Variants in NAV3 observed in about 807,000 individuals in gnomAD.
NAV3 encodes the protein pore membrane and/or filament interacting like protein 1.
In NAV3, 87 loss-of-function variants were observed where a neutral mutation model predicts 244.7. The ratio of observed to expected loss-of-function variants is 0.36; its 90% confidence interval spans 0.30 to 0.42. The LOEUF (loss-of-function observed/expected upper bound fraction) is 0.42, where lower values mean the gene tolerates loss of function less well. NAV3 is among the 20% of genes least tolerant of loss of function. The pLI is 1.00. For synonymous variants in NAV3, 1,126 were observed against 1,042.2 expected (o/e 1.08, Z -1.55); for missense variants, 2,663 against 2,893.3 (o/e 0.92, Z 1.83).
intron 1 of NAV3, among the ~76,000 whole-genome samples, chr12:77,890,509 A>G (rs1207844779): frequency 6.6e-6 from 1 of 152,208 alleles, no homozygotes; most frequent in Non-Finnish European, 1.5e-5. Flanking sequence ...TGAAATAAAT[A>G]TGATAAATAC....
rs1042879447 is a variant in NAV3, at chr12:77,824,115, C to A, written c.73-116204C>A. Among the ~76,000 whole-genome samples, 3 of 152,002 alleles carry A rather than the reference C, an allele frequency of 2.0e-5. No individual in the cohort carries two copies. In the East Asian group the frequency reaches 5.8e-4, roughly 29 times the overall value. ...TTTTAGACAGAGTCTCACTCTGTCA[C>A]CAGGCTGGAGTATAGTGGCACAATC... On this transcript the variant is annotated intron_variant, in intron 2 of 8. Transcript: ENST00000550042.
At chr12:77,712,308 T>C (rs1351347541) in intron 2 of NAV3, among the ~76,000 whole-genome samples, 1 of 152,200 alleles carries the variant, frequency 6.6e-6, no homozygotes, top group African/African-American at 2.4e-5. Flanking sequence ...GATATCATTC[T>C]ATATTTATTG....
intron 8 of NAV3, among the ~76,000 whole-genome samples, chr12:78,011,506 A>G (rs1875271323): frequency 6.6e-6 from 1 of 152,188 alleles, no homozygotes. Flanking sequence ...TGCATCACCA[A>G]GAAGTTAAGA....
rs768757808 is a variant in NAV3, at chr12:78,007,219, C to T, written c.1681C>T (p.Pro561Ser). The T allele has an allele frequency of 6.2e-7, 1 of 1,614,196 alleles. No homozygotes were observed. The change falls in exon 8 of 40, where the codon CCT becomes TCT. Residue 561 changes from proline (P) to serine (S), a missense_variant. Coordinates refer to ENST00000397909, the MANE Select transcript of NAV3 (RefSeq NM_001024383.2). ...SEKFRTTKGSPSQSLSKPITM... is the reference protein window; with the variant it reads ...SEKFRTTKGSSSQSLSKPITM... ...GAAATTCAGGACTACCAAGGGGAGCCCTTCCCAGTCCTTATCTAAGCCTAT... is the reference window on the plus strand; with the variant it reads ...GAAATTCAGGACTACCAAGGGGAGCTCTTCCCAGTCCTTATCTAAGCCTAT...
chr12:77,950,445 C>T (rs1890763145), intron 3 of NAV3: 2 of 152,102 alleles, frequency 1.3e-5, no homozygotes, highest in Admixed American at 1.3e-4. Context: ...GCTTATATGT[C>T]TTCAGTATAT....
At chr12:77,729,503 A>AGTAAACACACATATATG in intron 2 of NAV3, among the ~76,000 whole-genome samples, 1 of 152,048 alleles carries the variant, frequency 6.6e-6, no homozygotes, top group African/African-American at 2.4e-5. Flanking sequence ...AAAAGGAGGA[A>AGTAAACACACATATATG]AAAAGTAAGG....
intron 5 of NAV3, among the ~76,000 whole-genome samples, chr12:77,983,084 A>G (rs775976146): frequency 6.6e-6 from 1 of 152,218 alleles, no homozygotes; most frequent in African/African-American, 2.4e-5. Context: ...AGAAATAGGC[A>G]GAGGTCAGTT....
chr12:77,677,852 T>G (rs1290540325), intron 2 of NAV3, among the ~76,000 whole-genome samples: 2 of 152,190 alleles, frequency 1.3e-5, no homozygotes, highest in Non-Finnish European at 2.9e-5. Flanking sequence ...CTACATAAAG[T>G]CATTTTTAAA....
intron 39 of NAV3, among the ~76,000 whole-genome samples, chr12:78,207,410 C>T (rs982459981): frequency 1.3e-5 from 2 of 152,132 alleles, no homozygotes; most frequent in African/African-American, 2.4e-5. Context: ...CAGGAGATAA[C>T]TACAGTATCA....
intron 5 of NAV3, among the ~76,000 whole-genome samples, chr12:77,980,479 A>G (rs369452697): frequency 5.0e-4 from 76 of 152,348 alleles, no homozygotes; most frequent in African/African-American, 1.5e-3. Flanking sequence ...AACATATTTT[A>G]TGATGACTAC....
At chr12:77,999,433 G>A (rs1244582288) in intron 7 of NAV3, among the ~76,000 whole-genome samples, 3 of 152,186 alleles carry the variant, frequency 2.0e-5, no homozygotes, top group African/African-American at 4.8e-5. Context: ...GAACGTTTTT[G>A]CTCAAAATAG....
chr12:77,757,445 A>G (rs563724760), intron 2 of NAV3, among the ~76,000 whole-genome samples: 1 of 152,302 alleles, frequency 6.6e-6, no homozygotes, highest in African/African-American at 2.4e-5. Context: ...TAATTCTACA[A>G]TATCACCTGT....
intron 2 of NAV3, among the ~76,000 whole-genome samples, chr12:77,626,556 A>T (rs922417137): frequency 1.3e-5 from 2 of 152,156 alleles, no homozygotes; most frequent in Non-Finnish European, 2.9e-5. Flanking sequence ...GAAAAAAAGC[A>T]TCCAGTCACA....
intron 12 of NAV3, among the ~76,000 whole-genome samples, chr12:78,069,278 T>G (rs1952633159): frequency 6.6e-6 from 1 of 152,030 alleles, no homozygotes; most frequent in African/African-American, 2.4e-5. Context: ...GTTTTCATTA[T>G]AAAATTATTT....
rs2137261113 is a variant in NAV3 at position 78,051,072 on chromosome 12, A to G, written c.2441A>G (p.Glu814Gly). 3 of 1,614,104 alleles carry G rather than the reference A, an allele frequency of 1.9e-6. No individual in the cohort carries two copies. The highest frequency in any genetic ancestry group is 2.2e-5 in the South Asian group (2 of 91,090). The change falls in exon 11 of 40, where the codon GAG becomes GGG. Residue 814 changes from glutamate (E) to glycine (G), a missense_variant. Physicochemically the swap from Glu to Gly is moderately conservative, Grantham distance 98 (BLOSUM62 -2). Around this residue, in one of 6 missense-constraint regions of NAV3, gnomAD observed 1,521 missense variants for 1,497.0 expected, o/e 1.02. Coordinates refer to ENST00000397909, the MANE Select transcript of NAV3 (RefSeq NM_001024383.2). ...KASSDLDMSS[E>G]VDVGGYMSDG... ...AGCAGTGACCTGGACATGTCTTCTG[A>G]GGTCGATGTGGGTGGATATATGAGT...
chr12:78,021,902 T>A (rs376440489), intron 9 of NAV3, 40 bp downstream of exon 9: 1 of 1,289,360 alleles, frequency 7.8e-7, no homozygotes, highest in Non-Finnish European at 1.1e-6. Context: ...ACCTAGGAAT[T>A]TCCGTATTCT....
At chr12:77,731,327 A>G (rs1310543831) in intron 2 of NAV3, among the ~76,000 whole-genome samples, 1 of 152,054 alleles carries the variant, frequency 6.6e-6, no homozygotes, top group East Asian at 1.9e-4. Context: ...GTTCTATTGT[A>G]GAGAGTTATA....
intron 38 of NAV3, among the ~76,000 whole-genome samples, chr12:78,204,336 C>G (rs1485262102): frequency 1.3e-5 from 2 of 151,748 alleles, no homozygotes; most frequent in East Asian, 3.9e-4. Context: ...GCACATGTAC[C>G]CTAAAACTTA....
chr12:77,867,519 A>C (rs143315336), intron 1 of NAV3, among the ~76,000 whole-genome samples: 2,412 of 152,114 alleles, frequency 0.016, 64 homozygotes, highest in African/African-American at 0.053. Context: ...TCCCAGGTTC[A>C]TGCCATTCTC....
Sources: gnomAD v4.1 joint callset for allele counts (sites outside exome capture counted in the v4.1 genomes callset) on GRCh38, gnomAD v4.1.1 for gene constraint, gnomAD v4.1.1 regional missense constraint, MANE v1.5 for transcripts, NCBI Gene and HGNC (gene_info 2026-07-23, HGNC 2026-07-21) for gene names.